The following SEPTIN14 variants were observed in gnomAD, a reference collection of about 807,000 sequenced individuals.
SEPTIN14 encodes septin-14.
A neutral mutation model predicts 53.6 loss-of-function variants in SEPTIN14; 40 were observed. The observed-to-expected ratio is 0.75, with a 90% CI of 0.58 to 0.97. SEPTIN14 has a LOEUF of 0.97. Ranked by LOEUF, SEPTIN14 falls within the 50% of genes least tolerant of loss-of-function variation. The pLI is 0.00. For missense variants in SEPTIN14, 471 were observed against 508.2 expected, an observed-to-expected ratio of 0.93 and a Z score of 0.70; for synonymous variants, 138 against 166.8, an observed-to-expected ratio of 0.83 and a Z score of 1.33.
At chr7:55,829,578 G>C (rs1053994214) in intron 6 of SEPTIN14, among the ~76,000 whole-genome samples, 18 of 152,004 alleles carry the variant, frequency 1.2e-4, no homozygotes, top group African/African-American at 4.3e-4. Context: ...AGAAAACCTA[G>C]ATAAAATGGT....
At chr7:55,799,331 C>T (rs1302222367) in intron 9 of SEPTIN14, among the ~76,000 whole-genome samples, 13 of 148,092 alleles carry the variant, frequency 8.8e-5, no homozygotes, top group Admixed American at 2.0e-4. Context: ...CATGGTGAAA[C>T]GCCATCTCTA....
At chr7:55,818,183 C>T (rs913435752) in intron 7 of SEPTIN14, among the ~76,000 whole-genome samples, 1 of 151,872 alleles carries the variant, frequency 6.6e-6, no homozygotes, top group African/African-American at 2.4e-5. Context: ...TTAACAACAT[C>T]ATTTGAGGCT....
In SEPTIN14 at chr7:55,817,477, T is replaced by TATA. The variant is rs58158456; in HGVS notation, c.817+1649_817+1650insTAT. Among the ~76,000 whole-genome samples, 72 of 126,878 alleles carry TATA rather than the reference T, an allele frequency of 5.7e-4. No homozygotes were observed. In the East Asian group the frequency reaches 7.4e-3, roughly 13 times the overall value. The allele number at this position is 126,878 out of a possible 152,430, so 83.2% of individuals were successfully genotyped here. A position where few individuals can be genotyped will look rare whatever the true frequency, so the allele number is the denominator to read the frequency against. ...ACAATATTTTATATATATATATATA[T>TATA]TTTTTTTTTTTGAAAAGGAGTCTCG... On this transcript the variant is annotated intron_variant, in intron 7 of 9. Coordinates refer to ENST00000388975, the MANE Select transcript of SEPTIN14 (RefSeq NM_207366.3).
At chr7:55,861,599 T>C (rs1464198034) in intron 2 of SEPTIN14, among the ~76,000 whole-genome samples, 2 of 152,172 alleles carry the variant, frequency 1.3e-5, no homozygotes, top group Admixed American at 6.5e-5. Flanking sequence ...TAAAAAATTA[T>C]TTATTGTCAG....
At chr7:55,807,354 TA>T in intron 7 of SEPTIN14, 96 bp from the exon 8 acceptor site, 1 of 747,988 alleles carries the variant, frequency 1.3e-6, no homozygotes, top group South Asian at 2.0e-5. Context: ...AAAACACATT[TA>T]AAATAACACA....
intron 2 of SEPTIN14, among the ~76,000 whole-genome samples, chr7:55,858,216 G>C (rs1238533968): frequency 6.6e-6 from 1 of 152,140 alleles, no homozygotes; most frequent in Non-Finnish European, 1.5e-5. Flanking sequence ...ATTCACAATG[G>C]ATTCAGAACC....
Position 55,831,533 on chromosome 7 carries a change from T to C in SEPTIN14, c.720+2892A>G, listed in dbSNP as rs569342400. Reference sequence around the variant, plus strand: ...AAGCTATAAAAATCCTAGAAGAAAATTTAGGAAAAACTCTTCTAGATATTG... The same window carrying C: ...AAGCTATAAAAATCCTAGAAGAAAACTTAGGAAAAACTCTTCTAGATATTG... On this transcript the variant is annotated intron_variant, in intron 6 of 9. Coordinates refer to ENST00000388975, the MANE Select transcript of SEPTIN14 (RefSeq NM_207366.3). Among the ~76,000 whole-genome samples, 3 of 152,066 alleles carry C rather than the reference T, an allele frequency of 2.0e-5. No individual in the cohort carries two copies. In the South Asian group the frequency reaches 6.2e-4, roughly 32 times the overall value.
intron 5 of SEPTIN14, among the ~76,000 whole-genome samples, chr7:55,842,608 CAA>C (rs58014204): frequency 1.9e-4 from 24 of 125,760 alleles, no homozygotes; most frequent in African/African-American, 2.6e-4. Flanking sequence ...GCCTCAAATA[CAA>C]AAAAAAAAAA....
chr7:55,811,489 T>C, intron 7 of SEPTIN14: 1 of 329,922 alleles, frequency 3.0e-6, no homozygotes. Context: ...AATCAAGTTT[T>C]ACAGTTCTTT....
Position 55,856,480 on chromosome 7 carries a change from C to T in SEPTIN14, c.54+5463G>A, listed in dbSNP as rs143762033. On this transcript the variant is annotated intron_variant, in intron 2 of 9. Transcript: ENST00000388975. Reference sequence around the variant, plus strand: ...GATTTCAGCTCACTGCAATCTCCGCCTCCCAGGTTCAAGCGATTCTCCTGC... The same window carrying T: ...GATTTCAGCTCACTGCAATCTCCGCTTCCCAGGTTCAAGCGATTCTCCTGC... Among the ~76,000 whole-genome samples the T allele has an allele frequency of 9.6e-4, 146 of 152,046 alleles. 2 individuals carry two copies. The highest frequency in any genetic ancestry group is 3.4e-3 in the African/African-American group (140 of 41,480).
chr7:55,811,104 G>A (rs555114815), intron 7 of SEPTIN14: 9 of 467,066 alleles, frequency 1.9e-5, no homozygotes, highest in African/African-American at 1.2e-4. Context: ...TGTCAGGGGT[G>A]TTTGAATAGC....
intron 2 of SEPTIN14, among the ~76,000 whole-genome samples, chr7:55,860,350 T>G (rs1431475232): frequency 6.6e-6 from 1 of 151,912 alleles, no homozygotes; most frequent in Non-Finnish European, 1.5e-5. Flanking sequence ...AGAGGTAGAG[T>G]AGAATGATAG....
intron 6 of SEPTIN14, among the ~76,000 whole-genome samples, chr7:55,828,115 G>A (rs1447337485): frequency 2.0e-5 from 3 of 151,680 alleles, no homozygotes; most frequent in Admixed American, 6.6e-5. Context: ...ATTCTGAAAT[G>A]AAAGATAATG....
chr7:55,816,857 T>G (rs1305437578), intron 7 of SEPTIN14, among the ~76,000 whole-genome samples: 5 of 151,996 alleles, frequency 3.3e-5, no homozygotes, highest in Non-Finnish European at 7.4e-5. Flanking sequence ...ATGGCTATTA[T>G]CAATAAGACA....
chr7:55,840,841 T>C (rs1789297673), intron 5 of SEPTIN14, among the ~76,000 whole-genome samples: 1 of 152,148 alleles, frequency 6.6e-6, no homozygotes, highest in African/African-American at 2.4e-5. Context: ...ACACATATGA[T>C]GTTGTTCCCA....
intron 9 of SEPTIN14, chr7:55,798,743 G>A (rs1788475796): frequency 4.7e-6 from 1 of 211,428 alleles, no homozygotes; most frequent in Non-Finnish European, 9.8e-6. Flanking sequence ...GTACACTCTG[G>A]GGCCCAATGA....
chr7:55,855,850 G>A lies in SEPTIN14; in HGVS notation c.54+6093C>T, dbSNP rs148991641. The stretch of plus-strand genomic sequence containing the variant: ...TACAGGCGTGAACTACCACGCCCAG[G>A]CCTGTAGCTGCTTTTTTTTGTTTGT... On this transcript the variant is annotated intron_variant, in intron 2 of 9. Transcript: ENST00000388975. Among the ~76,000 whole-genome samples the A allele has an allele frequency of 8.3e-3, 1,262 of 152,068 alleles. 16 individuals carry two copies. Among genetic ancestry groups the A allele is most frequent in the African/African-American group, 0.028 (1,166 of 41,464 alleles).
chr7:55,830,349 A>ATATATTTTTTTTTTTTTTTTTTTTTT (rs71015108), intron 6 of SEPTIN14, among the ~76,000 whole-genome samples: 1 of 56,850 alleles, frequency 1.8e-5, no homozygotes, highest in African/African-American at 1.0e-4. Context: ...ATATATATAT[A>ATATATTTTTTTTTTTTTTTTTTTTTT]TTTTTTTTTT....
intron 7 of SEPTIN14, among the ~76,000 whole-genome samples, chr7:55,808,637 C>T (rs371775527): frequency 3.9e-5 from 6 of 152,122 alleles, no homozygotes; most frequent in Non-Finnish European, 7.4e-5. Flanking sequence ...CTGCAACCTC[C>T]GCCTCCTGGG....
Sources: allele counts gnomAD v4.1 joint callset (sites outside exome capture counted in the v4.1 genomes callset), GRCh38; gene constraint gnomAD v4.1.1; transcripts MANE v1.5; gene names NCBI Gene and HGNC (gene_info 2026-07-23, HGNC 2026-07-21).